Variants in PBK observed in about 807,000 individuals in gnomAD.
PBK encodes the protein lymphokine-activated killer T-cell-originated protein kinase.
In PBK, 22 loss-of-function variants were observed where a neutral mutation model predicts 33.5. That is an observed-to-expected ratio of 0.66 (90% CI 0.47 to 0.94). The LOEUF (loss-of-function observed/expected upper bound fraction) is 0.94. Among genes scored for constraint, PBK ranks in the 40% least tolerant of loss-of-function variants. The probability of loss-of-function intolerance (pLI) is 0.00; values close to 1 mark genes in which losing one functional copy is unlikely to be tolerated. For synonymous variants in PBK, 129 were observed against 123.8 expected (o/e 1.04, Z -0.28); for missense variants, 376 against 383.4 (o/e 0.98, Z 0.16).
At chr8:27,823,855 G>C (rs1805975893) in intron 3 of PBK, among the ~76,000 whole-genome samples, 1 of 152,050 alleles carries the variant, frequency 6.6e-6, no homozygotes, top group Non-Finnish European at 1.5e-5. Context: ...ATAAAGTCAG[G>C]GAAAGGTTTA....
intron 6 of PBK, 42 bp from the exon 7 acceptor site, chr8:27,811,176 C>G: frequency 6.3e-7 from 1 of 1,596,616 alleles, no homozygotes; most frequent in African/African-American, 1.3e-5. Flanking sequence ...AGCTACAAAT[C>G]ACGAAAAGGC....
At position 27,837,728 on chromosome 8, in the gene PBK, G is replaced by A. The variant is rs1054218661; in HGVS notation, c.-97C>T. ...CAAGTACCTCTTCAAAATTGGTCCC[G>A]AGCGGCCCCCAGCGAGACCCTGCAG... On this transcript the variant is annotated 5_prime_UTR_variant, in exon 1 of 8. Transcript: ENST00000301905. 1.3e-5 allele frequency: 2 copies of A among 152,304 alleles called. No individual in the cohort carries two copies. The highest frequency in any genetic ancestry group is 1.9e-4 in the East Asian group (1 of 5,194). 9.4% of individuals were successfully genotyped at this position (152,304 alleles called of 1,614,324 possible). A position where few individuals can be genotyped will look rare whatever the true frequency, so the allele number is the denominator to read the frequency against.
At chr8:27,835,043 GATTT>G (rs1288861648) in intron 1 of PBK, among the ~76,000 whole-genome samples, 5 of 151,924 alleles carry the variant, frequency 3.3e-5, no homozygotes, top group African/African-American at 1.2e-4. Flanking sequence ...TTTCCTATTA[GATTT>G]ATTTATTATA....
At chr8:27,815,786 A>AT (rs1805799026) in intron 6 of PBK, among the ~76,000 whole-genome samples, 1 of 152,222 alleles carries the variant, frequency 6.6e-6, no homozygotes, top group Non-Finnish European at 1.5e-5. Flanking sequence ...TAAACATAAT[A>AT]GCATGTGACA....
intron 6 of PBK, among the ~76,000 whole-genome samples, chr8:27,814,409 G>GT (rs1355313855): frequency 6.6e-6 from 1 of 151,884 alleles, no homozygotes; most frequent in Non-Finnish European, 1.5e-5. Context: ...GGTGACTTGT[G>GT]TTCTCTTTTT....
chr8:27,823,762 T>C (rs1257118058), intron 3 of PBK, among the ~76,000 whole-genome samples: 1 of 152,016 alleles, frequency 6.6e-6, no homozygotes, highest in Non-Finnish European at 1.5e-5. Flanking sequence ...AATGAGAAAA[T>C]TTTAAACTTT....
chr8:27,824,336 G>GA (rs1805987250), intron 3 of PBK, among the ~76,000 whole-genome samples: 2 of 151,758 alleles, frequency 1.3e-5, no homozygotes, highest in Admixed American at 1.3e-4. Context: ...CTAATCTATC[G>GA]AATAAGAATA....
At chr8:27,813,016 T>C (rs1323457369) in intron 6 of PBK, among the ~76,000 whole-genome samples, 1 of 152,200 alleles carries the variant, frequency 6.6e-6, no homozygotes, top group Non-Finnish European at 1.5e-5. Context: ...AAGACACATG[T>C]ACACGTTTAT....
At chr8:27,821,139 T>C (rs1273802000) in intron 5 of PBK, among the ~76,000 whole-genome samples, 2 of 151,984 alleles carry the variant, frequency 1.3e-5, no homozygotes, top group Non-Finnish European at 2.9e-5. Flanking sequence ...TTCAAAGTAT[T>C]TGAAACAAGA....
chr8:27,820,735 A>C, intron 5 of PBK, 41 bp from the exon 6 acceptor site: 1 of 1,156,858 alleles, frequency 8.6e-7, no homozygotes, highest in Non-Finnish European at 1.2e-6. Flanking sequence ...GCAGAAACAC[A>C]AACTAATAAA....
Position 27,811,064 on chromosome 8 carries a change from A to G in PBK, c.666T>C (p.Gly222=). ...WKPKEAVEEN[G]VITDKADIFA... Reference sequence around the variant, plus strand: ...ATATGTCTGCCTTGTCAGTAATAACACCATTCTCCTCCACAGCTTCTTTGG... The same window carrying G: ...ATATGTCTGCCTTGTCAGTAATAACGCCATTCTCCTCCACAGCTTCTTTGG... Residue 222 remains glycine, a synonymous_variant, in exon 7 of 8, where the codon GGT becomes GGC. Coordinates refer to ENST00000301905, the MANE Select transcript of PBK (RefSeq NM_018492.4). The G allele has an allele frequency of 6.2e-7, 1 of 1,612,966 alleles. No individual in the cohort carries two copies. Among genetic ancestry groups the G allele is most frequent in the Non-Finnish European group, 8.5e-7 (1 of 1,178,918 alleles).
At chr8:27,820,823 A>ATT in intron 5 of PBK, 129 bp from the exon 6 acceptor site, 5 of 450,434 alleles carry the variant, frequency 1.1e-5, no homozygotes, top group Non-Finnish European at 1.4e-5. Context: ...AGCGTTTCAA[A>ATT]ATTTTTTTTT....
chr8:27,814,474 G>C (rs761941998), intron 6 of PBK, among the ~76,000 whole-genome samples: 5 of 151,810 alleles, frequency 3.3e-5, no homozygotes, highest in Non-Finnish European at 7.4e-5. Flanking sequence ...CAAATAACCA[G>C]CTTTTGGCTT....
In PBK at chr8:27,820,698, A is replaced by C; in HGVS notation, c.466-4T>G. ...GTTTCTTTTCTTGGTGCAGATACTAAAATAGTAAAAAATTTAACACATATG... is the reference window on the plus strand; with the variant it reads ...GTTTCTTTTCTTGGTGCAGATACTACAATAGTAAAAAATTTAACACATATG... On this transcript the variant is annotated splice_region_variant and splice_polypyrimidine_tract_variant and intron_variant, in intron 5 of 7. Transcript: ENST00000301905. The C allele has an allele frequency of 6.7e-7, 1 of 1,499,294 alleles. No individual in the cohort carries two copies. The highest frequency in any genetic ancestry group is 2.0e-5 in the Admixed American group (1 of 48,830). The allele number at this position is 1,499,294 out of a possible 1,614,324, so 92.9% of individuals were successfully genotyped here. A position where few individuals can be genotyped will look rare whatever the true frequency, so the allele number is the denominator to read the frequency against.
intron 3 of PBK, among the ~76,000 whole-genome samples, chr8:27,825,171 A>C (rs1806002097): frequency 6.6e-6 from 1 of 152,226 alleles, no homozygotes; most frequent in Admixed American, 6.5e-5. Flanking sequence ...TGGAAGGGTT[A>C]GCACACAACT....
chr8:27,830,412 G>A (rs1002924677), intron 2 of PBK, among the ~76,000 whole-genome samples: 1 of 151,954 alleles, frequency 6.6e-6, no homozygotes, highest in Non-Finnish European at 1.5e-5. Context: ...TTAAGACAGA[G>A]CAACAAAAAC....
chr8:27,828,884 AT>A (rs1350098671), intron 2 of PBK, among the ~76,000 whole-genome samples: 1 of 152,120 alleles, frequency 6.6e-6, no homozygotes, highest in African/African-American at 2.4e-5. Flanking sequence ...ACAAAATATA[AT>A]TGTTTTCAGA....
intron 6 of PBK, among the ~76,000 whole-genome samples, chr8:27,818,218 A>C (rs1805855436): frequency 6.6e-6 from 1 of 152,242 alleles, no homozygotes; most frequent in African/African-American, 2.4e-5. Context: ...CTGTGTTACC[A>C]CAGCAAAACC....
Position 27,817,896 on chromosome 8 carries a change from C to T in PBK, c.595+2669G>A, listed in dbSNP as rs537695170. Among the ~76,000 whole-genome samples, 4 of 152,298 alleles carry T rather than the reference C, an allele frequency of 2.6e-5. No homozygotes were observed. The East Asian group carries it at 7.7e-4, about 29-fold the overall frequency. Reference sequence around the variant, plus strand: ...TCTATGATGATTAAATCTCCTAAATCTGCATTGTCCAATGTGGTAACCATT... The same window carrying T: ...TCTATGATGATTAAATCTCCTAAATTTGCATTGTCCAATGTGGTAACCATT... On this transcript the variant is annotated intron_variant, in intron 6 of 7. Coordinates refer to ENST00000301905, the MANE Select transcript of PBK (RefSeq NM_018492.4).
Sources: allele counts gnomAD v4.1 joint callset (sites outside exome capture counted in the v4.1 genomes callset), GRCh38; gene constraint gnomAD v4.1.1; transcripts MANE v1.5; gene names NCBI Gene and HGNC (gene_info 2026-07-23, HGNC 2026-07-21).